The following NRG1 variants were observed in gnomAD, a reference collection of about 807,000 sequenced individuals.
The protein encoded by NRG1 is pro-neuregulin-1, membrane-bound isoform.
In NRG1, 18 loss-of-function variants were observed where a neutral mutation model predicts 63.8. The observed-to-expected ratio is 0.28, with a 90% CI of 0.19 to 0.42. The LOEUF (loss-of-function observed/expected upper bound fraction) is 0.42. Among genes scored for constraint, NRG1 ranks in the 10% least tolerant of loss-of-function variants. NRG1 has a pLI of 1.00. For missense variants in NRG1, 762 were observed against 814.7 expected (o/e 0.94, Z 0.79); for synonymous variants, 302 against 301.3 (o/e 1.00, Z -0.02).
rs1563688327 is a variant in NRG1, at chr8:32,021,380, T to A, written c.37+381949T>A. ...AAGAGGGGAAAGTTTGCTAGGCATCTTAGCCCTGTAACAACCCACTCTGGT... is the reference window on the plus strand; with the variant it reads ...AAGAGGGGAAAGTTTGCTAGGCATCATAGCCCTGTAACAACCCACTCTGGT... On this transcript the variant is annotated intron_variant, in intron 1 of 10. Transcript: ENST00000519301. Among the ~76,000 whole-genome samples the A allele has an allele frequency of 3.3e-5, 5 of 152,294 alleles. No individual in the cohort carries two copies. In the South Asian group the frequency reaches 1.0e-3, roughly 32 times the overall value.
At chr8:32,169,743 A>G (rs1039280005) in intron 1 of NRG1, among the ~76,000 whole-genome samples, 2 of 152,242 alleles carry the variant, frequency 1.3e-5, no homozygotes, top group African/African-American at 2.4e-5. Flanking sequence ...AAACACAAAC[A>G]CACAAACTAT....
chr8:32,375,534 G>A (rs940890113), intron 1 of NRG1, among the ~76,000 whole-genome samples: 4 of 152,062 alleles, frequency 2.6e-5, no homozygotes, highest in African/African-American at 9.7e-5. Flanking sequence ...CCCATCCTTA[G>A]CCCAGAGTTA....
At chr8:31,721,460 G>A (rs1812908152) in intron 1 of NRG1, among the ~76,000 whole-genome samples, 1 of 152,076 alleles carries the variant, frequency 6.6e-6, no homozygotes, top group African/African-American at 2.4e-5. Flanking sequence ...AGTTTCTATA[G>A]AATATTTTTA....
At chr8:32,712,919 A>G (rs1221174512) in intron 5 of NRG1, among the ~76,000 whole-genome samples, 3 of 152,172 alleles carry the variant, frequency 2.0e-5, no homozygotes, top group Non-Finnish European at 4.4e-5. Context: ...TAATTCAGCT[A>G]TATCTCTTAT....
chr8:32,543,720 A>G (rs1464968059), upstream of NRG1, among the ~76,000 whole-genome samples: 2 of 152,208 alleles, frequency 1.3e-5, no homozygotes, highest in African/African-American at 2.4e-5. Context: ...ACATAAACAT[A>G]GATTTGATTT....
chr8:32,386,449 A>G (rs1357173804), intron 1 of NRG1, among the ~76,000 whole-genome samples: 1 of 152,202 alleles, frequency 6.6e-6, no homozygotes, highest in Non-Finnish European at 1.5e-5. Flanking sequence ...CTACTTGCTC[A>G]TTCTATGATG....
intron 1 of NRG1, among the ~76,000 whole-genome samples, chr8:31,758,196 T>G (rs1817173556): frequency 1.3e-5 from 2 of 152,058 alleles, no homozygotes; most frequent in African/African-American, 2.4e-5. Context: ...TCTCCTAATG[T>G]TATCCTTCCC....
intron 1 of NRG1, among the ~76,000 whole-genome samples, chr8:32,371,452 GAACAC>G (rs1808846814): frequency 6.6e-6 from 1 of 152,170 alleles, no homozygotes. Context: ...TCAAATCAGA[GAACAC>G]TATTTGCCTA....
At chr8:31,942,882 A>AC (rs1043275056) in intron 1 of NRG1, among the ~76,000 whole-genome samples, 1 of 151,276 alleles carries the variant, frequency 6.6e-6, no homozygotes, top group Admixed American at 6.6e-5. Flanking sequence ...AAAAAGAAAA[A>AC]AAAAAACCAA....
intron 1 of NRG1, among the ~76,000 whole-genome samples, chr8:32,556,250 T>A (rs966985977): frequency 2.0e-5 from 3 of 152,254 alleles, no homozygotes; most frequent in African/African-American, 7.2e-5. Context: ...ACGTTTTTGA[T>A]AATTAAATAG....
chr8:32,732,975 T>C (rs991000375), intron 6 of NRG1, among the ~76,000 whole-genome samples: 10 of 151,972 alleles, frequency 6.6e-5, no homozygotes, highest in African/African-American at 2.2e-4. Flanking sequence ...GCCCAGCTGA[T>C]TTTTTGTATT....
At chr8:31,732,835 C>A (rs1304960053) in intron 1 of NRG1, among the ~76,000 whole-genome samples, 145 of 152,108 alleles carry the variant, frequency 9.5e-4, no homozygotes, top group Non-Finnish European at 1.6e-4. Context: ...GCAGAGGTTG[C>A]AGTGAGCCGT....
At chr8:32,515,960 T>TG in intron 1 of NRG1, among the ~76,000 whole-genome samples, 1 of 152,310 alleles carries the variant, frequency 6.6e-6, no homozygotes, top group East Asian at 1.9e-4. Flanking sequence ...CAATTGCTTT[T>TG]GAGGACTTAG....
At chr8:31,949,432 C>T (rs1349205992) in intron 1 of NRG1, among the ~76,000 whole-genome samples, 2 of 152,170 alleles carry the variant, frequency 1.3e-5, no homozygotes, top group Admixed American at 6.5e-5. Flanking sequence ...CCACTGCCAT[C>T]AAAATGAAAA....
rs376145536 is a variant in NRG1 at position 31,789,853 on chromosome 8, G to C, written c.37+150422G>C. On this transcript the variant is annotated intron_variant, in intron 1 of 10. Transcript: ENST00000519301. ...TGAAATGCCTCTGGTTTCTTTATTAGCAAATCAACAGAAAACACTTGATAA... is the reference window on the plus strand; with the variant it reads ...TGAAATGCCTCTGGTTTCTTTATTACCAAATCAACAGAAAACACTTGATAA... Among the ~76,000 whole-genome samples the C allele has an allele frequency of 1.3e-3, 199 of 152,112 alleles. 2 individuals carry two copies. Among genetic ancestry groups the C allele is most frequent in the African/African-American group, 4.5e-3 (185 of 41,498 alleles).
At chr8:32,192,960 G>T (rs911686329) in intron 1 of NRG1, among the ~76,000 whole-genome samples, 1 of 151,692 alleles carries the variant, frequency 6.6e-6, no homozygotes, top group Non-Finnish European at 1.5e-5. Flanking sequence ...TAACAAGAAC[G>T]TAAGCTCAAC....
At chr8:32,436,693 G>A (rs1271553744) in intron 1 of NRG1, among the ~76,000 whole-genome samples, 2 of 152,090 alleles carry the variant, frequency 1.3e-5, no homozygotes, top group African/African-American at 4.8e-5. Flanking sequence ...AGATGAAACT[G>A]TGTGCATTGG....
intron 1 of NRG1, among the ~76,000 whole-genome samples, chr8:32,193,537 C>A (rs750533679): frequency 3.3e-5 from 5 of 152,062 alleles, no homozygotes; most frequent in Non-Finnish European, 2.9e-5. Context: ...GGCTTGTATT[C>A]AGAAAAGCAC....
chr8:32,097,667 A>G (rs1008332444), intron 1 of NRG1, among the ~76,000 whole-genome samples: 5 of 152,200 alleles, frequency 3.3e-5, no homozygotes, highest in Non-Finnish European at 7.4e-5. Context: ...AGAAGTTAGA[A>G]TCTATTTTAG....
Sources: gnomAD v4.1 joint callset for allele counts (sites outside exome capture counted in the v4.1 genomes callset) on GRCh38, gnomAD v4.1.1 for gene constraint, MANE v1.5 for transcripts, NCBI Gene and HGNC (gene_info 2026-07-23, HGNC 2026-07-21) for gene names.